PLEKHG7: variants seen among roughly 807,000 people sequenced by gnomAD.
PLEKHG7 encodes the protein pleckstrin homology and RhoGEF domain containing G7, also known as pleckstrin homology domain-containing family G member 7.
Under a neutral mutation model 85.2 loss-of-function variants are expected in PLEKHG7, and 77 were observed. That is an observed-to-expected ratio of 0.90 (90% confidence interval 0.75 to 1.09). The LOEUF is 1.09. Ranked by LOEUF, PLEKHG7 falls within the 50% of genes least tolerant of loss-of-function variation. The pLI, the probability that PLEKHG7 is intolerant of heterozygous loss-of-function variation, is 0.00. For synonymous variants in PLEKHG7, 301 were observed against 302.4 expected (o/e 1.00, Z 0.05); for missense variants, 777 against 804.3 (o/e 0.97, Z 0.41).
intron 9 of PLEKHG7, among the ~76,000 whole-genome samples, chr12:92,743,849 C>T (rs540080492): frequency 3.3e-5 from 5 of 152,254 alleles, no homozygotes; most frequent in South Asian, 2.1e-4. Flanking sequence ...CGCAAGTCAC[C>T]GTGCCCAGCC....
At chr12:92,756,543 C>T in intron 13 of PLEKHG7, 152 bp downstream of exon 13, 2 of 657,328 alleles carry the variant, frequency 3.0e-6, no homozygotes, top group Non-Finnish European at 5.4e-6. Context: ...GTCACACAGA[C>T]TCAGGCTTGA....
chr12:92,721,486 C>CCTT, intron 3 of PLEKHG7: 1 of 1,230,956 alleles, frequency 8.1e-7, no homozygotes, highest in Non-Finnish European at 1.0e-6. Context: ...GGGACTAGTC[C>CCTT]CTTCGGATCT....
chr12:92,745,175 C>G (rs1308145543), intron 9 of PLEKHG7, among the ~76,000 whole-genome samples: 1 of 152,094 alleles, frequency 6.6e-6, no homozygotes, highest in Non-Finnish European at 1.5e-5. Context: ...AAAGCTTAAA[C>G]AGAAGTAAAA....
At chr12:92,736,017 A>G (rs1872135082) in intron 5 of PLEKHG7, among the ~76,000 whole-genome samples, 1 of 152,124 alleles carries the variant, frequency 6.6e-6, no homozygotes, top group Non-Finnish European at 1.5e-5. Context: ...GCAGAGAATT[A>G]TTGTTTGGGG....
At chr12:92,722,970 G>C (rs950230457) in intron 3 of PLEKHG7, among the ~76,000 whole-genome samples, 3 of 152,142 alleles carry the variant, frequency 2.0e-5, no homozygotes, top group Non-Finnish European at 4.4e-5. Flanking sequence ...AGGGAAGAGA[G>C]AGAATTGTCC....
At position 92,770,175 on chromosome 12, in the gene PLEKHG7, G is replaced by A. The variant is rs1163906573; in HGVS notation, c.2056G>A (p.Ala686Thr). The part of the protein sequence containing the change: ...TKKISLFTLP[A>T]ESSEI ...GAAAATATCTTTATTCACATTGCCC[G>A]CAGAATCCTCTGAAATTTAGGGACC... The change falls in exon 17 of 17, where the codon GCA (alanine) becomes ACA (threonine). Residue 686 changes from alanine (A) to threonine (T), a missense_variant. Ala to Thr is a moderately conservative substitution (Grantham distance 58, BLOSUM62 0). This residue lies in a region of PLEKHG7 where 520 missense variants were observed against 544.0 expected (regional missense o/e 0.96). Coordinates refer to ENST00000344636, the MANE Select transcript of PLEKHG7 (RefSeq NM_001377329.1). 29 of 1,599,892 alleles carry A rather than the reference G, an allele frequency of 1.8e-5. No homozygotes were observed. Among genetic ancestry groups the A allele is most frequent in the East Asian group, 6.7e-5 (3 of 44,484 alleles).
chr12:92,750,040 A>ATTATTTTATTTTT (rs1872650616), intron 10 of PLEKHG7, among the ~76,000 whole-genome samples: 1 of 119,216 alleles, frequency 8.4e-6, no homozygotes, highest in Admixed American at 8.2e-5. Flanking sequence ...ATTTTATTTT[A>ATTATTTTATTTTT]TTATTTTGGA....
At chr12:92,763,552 C>T (rs1395655242) in intron 14 of PLEKHG7, among the ~76,000 whole-genome samples, 2 of 152,176 alleles carry the variant, frequency 1.3e-5, no homozygotes, top group Non-Finnish European at 2.9e-5. Flanking sequence ...TGGTAGCTCA[C>T]TCCTGTAATC....
intron 3 of PLEKHG7, among the ~76,000 whole-genome samples, chr12:92,727,625 T>C (rs532837532): frequency 6.6e-6 from 1 of 152,158 alleles, no homozygotes; most frequent in African/African-American, 2.4e-5. Context: ...GTTTCGCTCT[T>C]GTTGCCCAGG....
At chr12:92,770,042 T>G (rs572870837) in intron 16 of PLEKHG7, 46 bp from the exon 17 acceptor site, 1 of 1,270,716 alleles carries the variant, frequency 7.9e-7, no homozygotes, top group South Asian at 1.4e-5. Context: ...ATTGTCAGCT[T>G]AACATTCTAA....
intron 13 of PLEKHG7, among the ~76,000 whole-genome samples, chr12:92,758,374 CTG>C (rs1389435078): frequency 1.3e-5 from 2 of 152,226 alleles, no homozygotes; most frequent in African/African-American, 4.8e-5. Context: ...GTATCAAAAA[CTG>C]TTCTAATCTA....
chr12:92,728,918 C>A, intron 3 of PLEKHG7, 75 bp from the exon 4 acceptor site: 1 of 1,141,052 alleles, frequency 8.8e-7, no homozygotes. Flanking sequence ...TGTTTTTTTA[C>A]TTTTTAAAAA....
At chr12:92,723,925 T>C (rs1488258409) in intron 3 of PLEKHG7, among the ~76,000 whole-genome samples, 1 of 152,206 alleles carries the variant, frequency 6.6e-6, no homozygotes, top group African/African-American at 2.4e-5. Context: ...TACTAGAGTG[T>C]ATACATCTAG....
chr12:92,706,749 C>T lies in PLEKHG7; in HGVS notation c.118C>T (p.Gln40Ter). 1 of 1,614,098 alleles carries T rather than the reference C, an allele frequency of 6.2e-7. No individual in the cohort carries two copies. The part of the protein sequence containing the change: ...NQGSLLQFDR[Q>*]APGRISTSPT... ...GGGGAGTCTCCTCCAGTTTGACCGG[C>T]AAGCCCCAGGCCGCATCTCCACCTC... Residue 40 changes from glutamine (Q) to a stop codon, truncating the protein, a stop_gained, in exon 2 of 17, where the codon CAA (glutamine) becomes TAA (stop). Transcript: ENST00000344636. LOFTEE classifies it high-confidence loss of function.
intron 3 of PLEKHG7, 52 bp downstream of exon 3, chr12:92,707,724 TA>T: frequency 1.9e-6 from 3 of 1,612,534 alleles, no homozygotes; most frequent in Non-Finnish European, 2.5e-6. Context: ...GACTATTTAC[TA>T]TTAGATTTTT....
chr12:92,706,985 A>C lies in PLEKHG7; in HGVS notation c.354A>C (p.Ala118=). The change falls in exon 2 of 17, where the codon GCA becomes GCC. Residue 118 remains alanine (A), a synonymous_variant. Coordinates refer to ENST00000344636, the MANE Select transcript of PLEKHG7 (RefSeq NM_001377329.1). ...LTSEPERALN[A]ADSLEPQTRP... is the part of the protein sequence containing the mutation. ...CTGAACCTGAAAGGGCCCTGAATGCAGCTGACTCACTGGAGCCCCAAACCC... is the reference window on the plus strand; with the variant it reads ...CTGAACCTGAAAGGGCCCTGAATGCCGCTGACTCACTGGAGCCCCAAACCC... 6 of 1,614,220 alleles carry C rather than the reference A, an allele frequency of 3.7e-6. No individual in the cohort carries two copies. Among genetic ancestry groups the C allele is most frequent in the Non-Finnish European group, 5.1e-6 (6 of 1,180,036 alleles).
At chr12:92,721,355 C>T (rs951429931) in intron 3 of PLEKHG7, 1 of 879,046 alleles carries the variant, frequency 1.1e-6, no homozygotes. Flanking sequence ...GGGGGAATTC[C>T]CGGGATGCTC....
intron 3 of PLEKHG7, among the ~76,000 whole-genome samples, chr12:92,720,063 G>A (rs1051713039): frequency 9.2e-5 from 14 of 152,180 alleles, no homozygotes; most frequent in African/African-American, 2.2e-4. Context: ...CCCCATATTC[G>A]TTTCCTGTGG....
At chr12:92,738,181 T>A (rs1421804506) in intron 7 of PLEKHG7, among the ~76,000 whole-genome samples, 1 of 152,208 alleles carries the variant, frequency 6.6e-6, no homozygotes, top group Non-Finnish European at 1.5e-5. Flanking sequence ...ATTCATGATG[T>A]CTTTCATGTA....
Sources: allele counts gnomAD v4.1 joint callset (sites outside exome capture counted in the v4.1 genomes callset), GRCh38; gene constraint gnomAD v4.1.1; regional missense constraint gnomAD v4.1.1; transcripts MANE v1.5; gene names NCBI Gene and HGNC (gene_info 2026-07-23, HGNC 2026-07-21).